REV3L: variants seen among roughly 807,000 people sequenced by gnomAD.
The protein encoded by REV3L is DNA polymerase zeta catalytic subunit.
REV3L carries 69 observed loss-of-function variants against 299.4 expected under a neutral mutation model. The ratio of observed to expected loss-of-function variants is 0.23; its 90% CI spans 0.19 to 0.28. The LOEUF (loss-of-function observed/expected upper bound fraction) is 0.28. Among genes scored for constraint, REV3L ranks in the 10% least tolerant of loss-of-function variants. REV3L has a pLI of 1.00. For missense variants in REV3L, 3,128 were observed against 3,693.8 expected, an observed-to-expected ratio of 0.85 and a Z score of 3.97; for synonymous variants, 1,238 against 1,271.4, an observed-to-expected ratio of 0.97 and a Z score of 0.56.
intron 13 of REV3L, among the ~76,000 whole-genome samples, chr6:111,369,281 C>CAAAA (rs71021838): frequency 1.5e-5 from 1 of 68,140 alleles, no homozygotes; most frequent in Non-Finnish European, 2.6e-5. Context: ...GACTCTGTCT[C>CAAAA]AAAAAAAAAA....
At position 111,301,516 on chromosome 6, in the gene REV3L, A is replaced by T. The variant is rs1205780214; in HGVS notation, c.9253-1360T>A. Among the ~76,000 whole-genome samples, 3 of 152,296 alleles carry T rather than the reference A, an allele frequency of 2.0e-5. No homozygotes were observed. The East Asian group carries it at 5.8e-4, about 29-fold the overall frequency. Reference sequence around the variant, plus strand: ...CAGCTGTAAAATTTCAAAAAAAAAAAAAATCAAATAATGTGAATTTGAAAG... The same window carrying T: ...CAGCTGTAAAATTTCAAAAAAAAAATAAATCAAATAATGTGAATTTGAAAG... On this transcript the variant is annotated intron_variant, in intron 31 of 31. Transcript: ENST00000368802.
At chr6:111,432,601 G>A (rs931792020) in intron 1 of REV3L, among the ~76,000 whole-genome samples, 1 of 152,156 alleles carries the variant, frequency 6.6e-6, no homozygotes. Context: ...TACAGTAATA[G>A]TAGGGGACTT....
intron 31 of REV3L, among the ~76,000 whole-genome samples, chr6:111,303,121 T>G (rs2114681748): frequency 6.6e-6 from 1 of 151,748 alleles, no homozygotes; most frequent in South Asian, 2.1e-4. Context: ...CATTCATTTG[T>G]AATATTTCTA....
At chr6:111,312,278 C>A (rs1287863532) in intron 28 of REV3L, 1 of 151,718 alleles carries the variant, frequency 6.6e-6, no homozygotes, top group East Asian at 1.9e-4. Flanking sequence ...ATCCCAAATT[C>A]ACATAATATT....
chr6:111,335,411 C>G, intron 22 of REV3L, 58 bp downstream of exon 22: 4 of 1,537,236 alleles, frequency 2.6e-6, no homozygotes, highest in East Asian at 2.4e-5. Flanking sequence ...CTTCAAACAT[C>G]ACAAAAGTGT....
At chr6:111,435,381 A>AG (rs1422718964) in intron 1 of REV3L, among the ~76,000 whole-genome samples, 1 of 152,220 alleles carries the variant, frequency 6.6e-6, no homozygotes, top group Non-Finnish European at 1.5e-5. Flanking sequence ...AGAAAGCTGG[A>AG]GGCATCACAC....
Position 111,358,941 on chromosome 6 carries a change from A to T in REV3L, c.6953T>A (p.Phe2318Tyr), listed in dbSNP as rs773952515. ...TRRDLEPDPE[F>Y]DPICALFYCI... ...GTAGAACAGAGCACAGATTGGGTCA[A>T]ATTCAGGATCCGGTTCTAAGTCTCG... The change falls in exon 17 of 32, where the codon TTT (phenylalanine) becomes TAT (tyrosine). Residue 2318 changes from phenylalanine to tyrosine, a missense_variant. By Grantham distance (22) the Phe-to-Tyr change is conservative (BLOSUM62 3). Around this residue, in one of 9 missense-constraint regions of REV3L, gnomAD observed 82 missense variants for 142.7 expected, o/e 0.57. Coordinates refer to ENST00000368802, the MANE Select transcript of REV3L (RefSeq NM_001372078.1). 1 of 1,614,152 alleles carries T rather than the reference A, an allele frequency of 6.2e-7. No homozygotes were observed. The highest frequency in any genetic ancestry group is 1.1e-5 in the South Asian group (1 of 91,074).
intron 1 of REV3L, among the ~76,000 whole-genome samples, chr6:111,467,310 T>G (rs1179297422): frequency 6.6e-6 from 1 of 152,236 alleles, no homozygotes; most frequent in Non-Finnish European, 1.5e-5. Flanking sequence ...ACCTTCTTCC[T>G]GGCTTCCCAC....
chr6:111,346,728 C>T (rs1378294470), intron 20 of REV3L, among the ~76,000 whole-genome samples: 1 of 152,116 alleles, frequency 6.6e-6, no homozygotes, highest in African/African-American at 2.4e-5. Context: ...ATCAGAGATA[C>T]TATATATTCA....
intron 1 of REV3L, among the ~76,000 whole-genome samples, chr6:111,479,192 A>C (rs530121601): frequency 7.2e-5 from 11 of 152,328 alleles, no homozygotes; most frequent in African/African-American, 2.6e-4. Context: ...AATCTAAATG[A>C]AAAAACATTG....
At chr6:111,454,266 C>G (rs1369038765) in intron 1 of REV3L, among the ~76,000 whole-genome samples, 1 of 151,770 alleles carries the variant, frequency 6.6e-6, no homozygotes, top group Non-Finnish European at 1.5e-5. Flanking sequence ...TTAAAAAAAT[C>G]AAGTACTACC....
At chr6:111,354,795 A>G (rs192677533) in intron 18 of REV3L, among the ~76,000 whole-genome samples, 3 of 152,324 alleles carry the variant, frequency 2.0e-5, no homozygotes, top group Non-Finnish European at 2.9e-5. Context: ...CTGTGGATAA[A>G]ATAGAAGCAG....
chr6:111,324,710 G>A (rs1021222055), intron 25 of REV3L, among the ~76,000 whole-genome samples: 3 of 152,212 alleles, frequency 2.0e-5, no homozygotes, highest in Non-Finnish European at 4.4e-5. Context: ...GGAGGCGGAA[G>A]AGGGAAGGAG....
chr6:111,324,383 T>G (rs535879000), intron 25 of REV3L, among the ~76,000 whole-genome samples: 1 of 152,304 alleles, frequency 6.6e-6, no homozygotes, highest in Non-Finnish European at 1.5e-5. Flanking sequence ...ACTTAATACA[T>G]TACAAAAATC....
At chr6:111,350,639 T>C (rs1040862668) in intron 19 of REV3L, among the ~76,000 whole-genome samples, 15 of 152,098 alleles carry the variant, frequency 9.9e-5, no homozygotes, top group Non-Finnish European at 2.2e-4. Context: ...TGCAGTGGTG[T>C]GATCATAGCT....
intron 12 of REV3L, 76 bp downstream of exon 12, chr6:111,377,625 G>A (rs952395736): frequency 7.0e-7 from 1 of 1,423,920 alleles, no homozygotes. Context: ...GTGTGAGCCA[G>A]AGCGCCTAGC....
intron 4 of REV3L, among the ~76,000 whole-genome samples, chr6:111,402,996 T>C (rs921689572): frequency 1.3e-5 from 2 of 152,188 alleles, no homozygotes; most frequent in African/African-American, 4.8e-5. Flanking sequence ...ATAGCCAAAA[T>C]ATCCATTAAC....
rs201474223 is a variant in REV3L, at chr6:111,376,271, C to T, written c.2084G>A (p.Arg695His). The change falls in exon 13 of 32, where the codon CGT becomes CAT. Residue 695 changes from arginine (R) to histidine (H), a missense_variant. Physicochemically the swap from Arg to His is conservative, Grantham distance 29. Coordinates refer to ENST00000368802, the MANE Select transcript of REV3L (RefSeq NM_001372078.1). ...GCCCAATGTATTCTCGTTAGGGTGACGGTGCATATGTATAAAAGGGGAATC... is the reference window on the plus strand; with the variant it reads ...GCCCAATGTATTCTCGTTAGGGTGATGGTGCATATGTATAAAAGGGGAATC... Reference protein sequence around the residue: ...EKDSPFIHMHRHPNENTLGKN... With the variant: ...EKDSPFIHMHHHPNENTLGKN... 64 of 1,613,566 alleles carry T rather than the reference C, an allele frequency of 4.0e-5. No homozygotes were observed. The highest frequency in any genetic ancestry group is 1.3e-4 in the Admixed American group (8 of 59,990).
chr6:111,303,253 C>T (rs1297328214), intron 31 of REV3L, among the ~76,000 whole-genome samples: 1 of 148,174 alleles, frequency 6.7e-6, no homozygotes, highest in Admixed American at 6.9e-5. Flanking sequence ...TTCACTGCAA[C>T]CTCTGCCTCC....
Sources: gnomAD v4.1 joint callset for allele counts (sites outside exome capture counted in the v4.1 genomes callset) on GRCh38, gnomAD v4.1.1 for gene constraint, gnomAD v4.1.1 regional missense constraint, MANE v1.5 for transcripts, NCBI Gene and HGNC (gene_info 2026-07-23, HGNC 2026-07-21) for gene names.